LINS1: variants seen among roughly 807,000 people sequenced by gnomAD.
The protein encoded by LINS1 is lines homolog 1.
A neutral mutation model predicts 41.6 loss-of-function variants in LINS1; 27 were observed. The observed-to-expected ratio is 0.65, with a 90% CI of 0.48 to 0.89. The LOEUF is 0.89. LINS1 is among the 40% of genes least tolerant of loss of function. LINS1 has a pLI of 0.00. For missense variants in LINS1, 955 were observed against 884.1 expected (o/e 1.08, Z -1.02); for synonymous variants, 336 against 312.9 (o/e 1.07, Z -0.78).
chr15:100,595,013 C>A (rs2039186725), intron 1 of LINS1, among the ~76,000 whole-genome samples: 1 of 152,128 alleles, frequency 6.6e-6, no homozygotes, highest in South Asian at 2.1e-4. Flanking sequence ...TTACTATGAC[C>A]TTGATTTTAC....
Position 100,574,195 on chromosome 15 carries a change from C to T in LINS1, c.678G>A (p.Val226=). Residue 226 remains valine, a synonymous_variant, in exon 5 of 7, where the codon GTG becomes GTA. Coordinates refer to ENST00000314742, the MANE Select transcript of LINS1 (RefSeq NM_001040616.3). ...FLTHFDTIFE[V]FYNSLFSQHF... ...GCTGAGAGAATAAGGAATTGTAAAA[C>T]ACTTCAAAAATGGTGTCGAAATGAG... 3 of 1,613,370 alleles carry T rather than the reference C, an allele frequency of 1.9e-6. No homozygotes were observed. Among genetic ancestry groups the T allele is most frequent in the Non-Finnish European group, 2.5e-6 (3 of 1,179,538 alleles).
Position 100,572,064 on chromosome 15 carries a change from A to C in LINS1, c.1224T>G (p.Val408=). Residue 408 remains valine, a splice_region_variant and synonymous_variant, in exon 6 of 7, where the codon GTT becomes GTG. Transcript: ENST00000314742. ...ACTCAGACATGAACCTCTGTAAGTC[A>C]ACTTCAAAAAATGAAAATTTCAAAG... The part of the protein sequence containing the change: ...QNYSSASEVK[V]DLQRFMSELL... 6.2e-7 allele frequency: 1 copy of C among 1,614,202 alleles called. No homozygotes were observed. Among genetic ancestry groups the C allele is most frequent in the African/African-American group, 1.3e-5 (1 of 75,066 alleles).
rs1259475963 is a variant in LINS1, at chr15:100,568,423, G to A, written c.*815C>T. Reference sequence around the variant, plus strand: ...TCCTAGTCCAATGACCGATGTCCTTGTAGGAGGGAAACTGGACACAGACAC... The same window carrying A: ...TCCTAGTCCAATGACCGATGTCCTTATAGGAGGGAAACTGGACACAGACAC... On this transcript the variant is annotated 3_prime_UTR_variant, in exon 7 of 7. Transcript: ENST00000314742. The A allele has an allele frequency of 6.6e-6, 1 of 152,214 alleles. No homozygotes were observed. The highest frequency in any genetic ancestry group is 6.5e-5 in the Admixed American group (1 of 15,286). The allele number at this position is 152,214 out of a possible 1,614,324, so 9.4% of individuals were successfully genotyped here.
intron 4 of LINS1, 104 bp downstream of exon 4, chr15:100,574,883 T>G: frequency 8.2e-7 from 1 of 1,226,048 alleles, no homozygotes; most frequent in Non-Finnish European, 1.2e-6. Context: ...TTTTCATTAC[T>G]TTAAGACAGA....
intron 1 of LINS1, among the ~76,000 whole-genome samples, chr15:100,592,161 T>G (rs2039066021): frequency 6.6e-6 from 1 of 152,212 alleles, no homozygotes; most frequent in African/African-American, 2.4e-5. Context: ...GTAACGGGGC[T>G]CTTGAGCCCC....
chr15:100,584,973 A>C (rs2141326563), intron 1 of LINS1, among the ~76,000 whole-genome samples: 1 of 152,370 alleles, frequency 6.6e-6, no homozygotes, highest in East Asian at 1.9e-4. Flanking sequence ...GGCTAAGGAC[A>C]AAAGAAGCCC....
chr15:100,574,453 A>G (rs555819515), intron 4 of LINS1, among the ~76,000 whole-genome samples: 1 of 152,370 alleles, frequency 6.6e-6, no homozygotes, highest in East Asian at 1.9e-4. Context: ...CACAACTGTA[A>G]TCCCAGCACT....
At chr15:100,585,735 AACTG>A (rs1213927934) in intron 1 of LINS1, among the ~76,000 whole-genome samples, 1 of 152,096 alleles carries the variant, frequency 6.6e-6, no homozygotes, top group African/African-American at 2.4e-5. Flanking sequence ...GTGTTTACTG[AACTG>A]ACTTATAAGA....
At chr15:100,579,560 CTT>C (rs1462449444) in intron 3 of LINS1, among the ~76,000 whole-genome samples, 2 of 151,844 alleles carry the variant, frequency 1.3e-5, no homozygotes, top group Non-Finnish European at 2.9e-5. Flanking sequence ...GCTCTTTATA[CTT>C]TGTCTATTTT....
intron 1 of LINS1, among the ~76,000 whole-genome samples, chr15:100,599,064 G>C (rs1023926431): frequency 6.6e-6 from 1 of 152,168 alleles, no homozygotes; most frequent in Non-Finnish European, 1.5e-5. Context: ...CAATGACAAA[G>C]TCTCTTTCTA....
At position 100,574,021 on chromosome 15, in the gene LINS1, T is replaced by A. The variant is rs750560619; in HGVS notation, c.852A>T (p.Leu284=). The A allele has an allele frequency of 1.9e-6, 3 of 1,613,962 alleles. No individual in the cohort carries two copies. The African/African-American group carries it at 4.0e-5, about 22-fold the overall frequency. ...RILFLKPSCM[L]EVITWPIQAF... Reference sequence around the variant, plus strand: ...CCTGAATAGGCCAGGTAATAACTTCTAGCATGCAAGATGGTTTCAAAAATA... The same window carrying A: ...CCTGAATAGGCCAGGTAATAACTTCAAGCATGCAAGATGGTTTCAAAAATA... The change falls in exon 5 of 7, where the codon CTA becomes CTT. Residue 284 remains leucine, a synonymous_variant. Transcript: ENST00000314742.
chr15:100,572,336 T>G lies in LINS1; in HGVS notation c.1223-271A>C, dbSNP rs959996160. 25 of 1,226,700 alleles carry G rather than the reference T, an allele frequency of 2.0e-5. No individual in the cohort carries two copies. In the East Asian group the frequency reaches 1.2e-3, roughly 57 times the overall value. 76.0% of individuals were successfully genotyped at this position (1,226,700 alleles called of 1,614,324 possible). On this transcript the variant is annotated intron_variant, in intron 5 of 6. Transcript: ENST00000314742. ...CAACAACTGCCTAACAACTGTCTCT[T>G]AGAAATAAAAGTTATGTGATTTCTT...
At chr15:100,588,809 C>A (rs951023797) in intron 1 of LINS1, among the ~76,000 whole-genome samples, 1 of 152,056 alleles carries the variant, frequency 6.6e-6, no homozygotes, top group African/African-American at 2.4e-5. Context: ...GTGTTTAGGA[C>A]AAGTCAGAAA....
chr15:100,580,272 C>G lies in LINS1; in HGVS notation c.480G>C (p.Leu160Phe). ...TGATTACTTATCTTACCTTTTCTCTCAATTGGAAATATAGAAGCAATGCAA... is the reference window on the plus strand; with the variant it reads ...TGATTACTTATCTTACCTTTTCTCTGAATTGGAAATATAGAAGCAATGCAA... ...QCLALLLYFQ[L>F]REKITLSNSW... The change falls in exon 3 of 7, where the codon TTG becomes TTC. Residue 160 changes from leucine to phenylalanine, a missense_variant. Coordinates refer to ENST00000314742, the MANE Select transcript of LINS1 (RefSeq NM_001040616.3). 1 of 1,600,378 alleles carries G rather than the reference C, an allele frequency of 6.2e-7. No individual in the cohort carries two copies. The highest frequency in any genetic ancestry group is 8.6e-7 in the Non-Finnish European group (1 of 1,168,338).
At chr15:100,574,290 A>G (rs1446384254) in intron 4 of LINS1, 49 bp from the exon 5 acceptor site, 1 of 1,208,684 alleles carries the variant, frequency 8.3e-7, no homozygotes, top group Non-Finnish European at 1.2e-6. Flanking sequence ...AGTCTTCTTC[A>G]AACAATTTTA....
chr15:100,569,329 T>C lies in LINS1; in HGVS notation c.2183A>G (p.Lys728Arg), dbSNP rs2037669614. 6.2e-7 allele frequency: 1 copy of C among 1,614,142 alleles called. No homozygotes were observed. The highest frequency in any genetic ancestry group is 1.6e-4 in the Middle Eastern group (1 of 6,062). The stretch of plus-strand genomic sequence containing the variant: ...TGGATTATATGGGAAAAGATTTTTC[T>C]TTTGCAAACGGCAGATGGCATCTTG... ...ELQDAICRLQ[K>R]KNLFPYNPTA... Residue 728 changes from lysine to arginine, a missense_variant, in exon 7 of 7, where the codon AAG becomes AGG. Transcript: ENST00000314742.
Position 100,580,802 on chromosome 15 carries a change from T to A in LINS1, c.41A>T (p.Lys14Met). 1 of 1,611,874 alleles carries A rather than the reference T, an allele frequency of 6.2e-7. No individual in the cohort carries two copies. Among genetic ancestry groups the A allele is most frequent in the Non-Finnish European group, 8.5e-7 (1 of 1,178,686 alleles). Residue 14 changes from lysine (K) to methionine (M), a missense_variant, in exon 2 of 7, where the codon AAG becomes ATG. Coordinates refer to ENST00000314742, the MANE Select transcript of LINS1 (RefSeq NM_001040616.3). ...TTCAAGTGTGGCTCCAAGAAGTACC[T>A]TCTTGTATAACTCTTCTAAAACTTC... ...FCEVLEELYKKVLLGATLEND... is the reference protein window; with the variant it reads ...FCEVLEELYKMVLLGATLEND...
chr15:100,587,234 G>A (rs555753009), intron 1 of LINS1, among the ~76,000 whole-genome samples: 8 of 147,528 alleles, frequency 5.4e-5, no homozygotes, highest in African/African-American at 2.0e-4. Context: ...GCCGGATTTA[G>A]TGTGGAGCCA....
intron 1 of LINS1, among the ~76,000 whole-genome samples, chr15:100,593,511 G>C (rs1390981335): frequency 7.0e-6 from 1 of 142,256 alleles, no homozygotes; most frequent in African/African-American, 2.6e-5. Flanking sequence ...ACTTTATTGA[G>C]TACCTACTAT....
Sources: allele counts gnomAD v4.1 joint callset (sites outside exome capture counted in the v4.1 genomes callset), GRCh38; gene constraint gnomAD v4.1.1; transcripts MANE v1.5; gene names NCBI Gene and HGNC (gene_info 2026-07-23, HGNC 2026-07-21).